Variants in IBTK observed in about 807,000 individuals in gnomAD.
IBTK encodes inhibitor of Bruton tyrosine kinase.
A neutral mutation model predicts 154.9 loss-of-function variants in IBTK; 83 were observed. The ratio of observed to expected loss-of-function variants is 0.54; its 90% CI spans 0.45 to 0.64. IBTK has a LOEUF of 0.64. IBTK is among the 30% of genes least tolerant of loss of function. The probability of loss-of-function intolerance (pLI) is 0.00; values close to 1 mark genes in which losing one functional copy is unlikely to be tolerated. For synonymous variants in IBTK, 515 were observed against 536.1 expected, an observed-to-expected ratio of 0.96 and a Z score of 0.54; for missense variants, 1,332 against 1,584.6, an observed-to-expected ratio of 0.84 and a Z score of 2.71.
intron 16 of IBTK, 138 bp from the exon 17 acceptor site, chr6:82,205,096 A>G (rs1160851083): frequency 4.6e-6 from 2 of 430,264 alleles, no homozygotes; most frequent in African/African-American, 4.1e-5. Context: ...ACTAGAAAAG[A>G]GATTTAAGAT....
At position 82,214,389 on chromosome 6, in the gene IBTK, G is replaced by T; in HGVS notation, c.2042C>A (p.Ser681Tyr). ...ATTACTTTTGTAAACTTCAAATGCA[G>T]ACTTCTGGTTATCATCTTCATGGAA... Reference protein sequence around the residue: ...VNFHEDDNQKSAFEVYKSNQA... With the variant: ...VNFHEDDNQKYAFEVYKSNQA... The change falls in exon 12 of 29, where the codon TCT (serine) becomes TAT (tyrosine). Residue 681 changes from serine (S) to tyrosine (Y), a missense_variant. Ser to Tyr is a moderately radical substitution (Grantham distance 144). Coordinates refer to ENST00000306270, the MANE Select transcript of IBTK (RefSeq NM_015525.4). 6.2e-7 allele frequency: 1 copy of T among 1,613,948 alleles called. No homozygotes were observed. The highest frequency in any genetic ancestry group is 8.5e-7 in the Non-Finnish European group (1 of 1,179,936).
Position 82,210,889 on chromosome 6 carries a change from C to A in IBTK, c.2434G>T (p.Glu812Ter). The A allele has an allele frequency of 6.4e-7, 1 of 1,568,888 alleles. No homozygotes were observed. The highest frequency in any genetic ancestry group is 8.6e-7 in the Non-Finnish European group (1 of 1,157,096). Reference sequence around the variant, plus strand: ...AATATATCAGAATGTATTGGCATTTCCAGAGCTGCACAACTGGAAGCCTAA... The same window carrying A: ...AATATATCAGAATGTATTGGCATTTACAGAGCTGCACAACTGGAAGCCTAA... Reference protein sequence around the residue: ...WIEASSCAALEMPIHSDILKV... With the variant: ...WIEASSCAAL The change falls in exon 16 of 29, where the codon GAA becomes TAA. Residue 812 changes from glutamate (E) to a stop codon, truncating the protein, a stop_gained. Transcript: ENST00000306270. LOFTEE classifies it high-confidence loss of function.
At chr6:82,222,163 A>T (rs1341328681) in intron 8 of IBTK, among the ~76,000 whole-genome samples, 1 of 140,968 alleles carries the variant, frequency 7.1e-6, no homozygotes, top group Non-Finnish European at 1.5e-5. Context: ...GAGCAAGACA[A>T]TGTCTCAAAA....
At chr6:82,225,684 C>A (rs765190865) in intron 5 of IBTK, 37 bp from the exon 6 acceptor site, 2 of 1,454,102 alleles carry the variant, frequency 1.4e-6, no homozygotes, top group Non-Finnish European at 1.9e-6. Context: ...ACTACATTAA[C>A]CATTTATACA....
At position 82,201,440 on chromosome 6, in the gene IBTK, A is replaced by G. The variant is rs1769206734; in HGVS notation, c.2772T>C (p.Ser924=). The G allele has an allele frequency of 1.9e-6, 3 of 1,609,216 alleles. No individual in the cohort carries two copies. Among genetic ancestry groups the G allele is most frequent in the South Asian group, 2.2e-5 (2 of 90,252 alleles). ...VLSDGVLKDL[S]EFYRKMIPAM... The stretch of plus-strand genomic sequence containing the variant: ...ACCTTACCATTTTCCGGTAAAACTC[A>G]GAAAGATCCTTCAAAACACCATCGC... The change falls in exon 19 of 29, where the codon TCT becomes TCC. Residue 924 remains serine, a synonymous_variant. Transcript: ENST00000306270.
At chr6:82,194,944 G>A (rs1488900376) in intron 22 of IBTK, among the ~76,000 whole-genome samples, 1 of 152,022 alleles carries the variant, frequency 6.6e-6, no homozygotes, top group Non-Finnish European at 1.5e-5. Context: ...GTACAAATAA[G>A]ACATGAAGCA....
intron 13 of IBTK, among the ~76,000 whole-genome samples, chr6:82,211,868 TA>T (rs1769662587): frequency 6.6e-6 from 1 of 152,210 alleles, no homozygotes; most frequent in South Asian, 2.1e-4. Context: ...AGTGATATCA[TA>T]TTTAAGTCTC....
rs1255140421 is a variant in IBTK, at chr6:82,171,251, G to T, written c.*174C>A. 2 of 429,232 alleles carry T rather than the reference G, an allele frequency of 4.7e-6. No homozygotes were observed. Among genetic ancestry groups the T allele is most frequent in the South Asian group, 5.7e-5 (1 of 17,564 alleles). 26.6% of individuals were successfully genotyped at this position (429,232 alleles called of 1,614,324 possible). A position where few individuals can be genotyped will look rare whatever the true frequency, so the allele number is the denominator to read the frequency against. Reference sequence around the variant, plus strand: ...AAAGTTACTAAAATCACAATTCTGAGAAATTTATTTTTAATCATACAAACA... The same window carrying T: ...AAAGTTACTAAAATCACAATTCTGATAAATTTATTTTTAATCATACAAACA... On this transcript the variant is annotated 3_prime_UTR_variant, in exon 29 of 29. Coordinates refer to ENST00000306270, the MANE Select transcript of IBTK (RefSeq NM_015525.4).
intron 2 of IBTK, among the ~76,000 whole-genome samples, chr6:82,236,058 G>C (rs180980625): frequency 3.1e-4 from 47 of 152,234 alleles, no homozygotes; most frequent in African/African-American, 1.1e-3. Flanking sequence ...ATTTTTAGTA[G>C]AGATGAGGTT....
chr6:82,197,084 C>A (rs1769016024), intron 21 of IBTK, among the ~76,000 whole-genome samples: 1 of 152,200 alleles, frequency 6.6e-6, no homozygotes, highest in Non-Finnish European at 1.5e-5. Context: ...TGGCCTCATG[C>A]CACACCTGGT....
chr6:82,178,069 A>C (rs1338910021), intron 26 of IBTK, among the ~76,000 whole-genome samples: 1 of 152,204 alleles, frequency 6.6e-6, no homozygotes, highest in East Asian at 1.9e-4. Flanking sequence ...AAGCATACTT[A>C]TTATGTTTTC....
At position 82,225,609 on chromosome 6, in the gene IBTK, A is replaced by G. The variant is rs999180284; in HGVS notation, c.693T>C (p.Cys231=). Residue 231 remains cysteine (C), a synonymous_variant, in exon 6 of 29, where the codon TGT becomes TGC. Coordinates refer to ENST00000306270, the MANE Select transcript of IBTK (RefSeq NM_015525.4). The part of the protein sequence containing the change: ...RLVEGLNGHN[C]SQVAAAKDHT... Reference sequence around the variant, plus strand: ...GATCCTTAGCAGCTGCCACTTGGGAACAATTATGACCATTCAGTCCTTCCA... The same window carrying G: ...GATCCTTAGCAGCTGCCACTTGGGAGCAATTATGACCATTCAGTCCTTCCA... 5 of 1,613,432 alleles carry G rather than the reference A, an allele frequency of 3.1e-6. No individual in the cohort carries two copies. Among genetic ancestry groups the G allele is most frequent in the Non-Finnish European group, 8.5e-7 (1 of 1,179,736 alleles).
chr6:82,214,083 G>A, intron 12 of IBTK, 144 bp downstream of exon 12: 3 of 681,674 alleles, frequency 4.4e-6, no homozygotes, highest in South Asian at 2.1e-5. Context: ...AGCCTCCTGA[G>A]TAGCTGGGAC....
In IBTK at chr6:82,227,209, C is replaced by CT; in HGVS notation, c.636dup (p.Asp213ArgfsTer2). 6.2e-7 allele frequency: 1 copy of CT among 1,609,164 alleles called. No individual in the cohort carries two copies. Among genetic ancestry groups the CT allele is most frequent in the Non-Finnish European group, 8.5e-7 (1 of 1,176,080 alleles). ...TCAATTACCAAGCATGTCTGTTCAT[C>CT]TCCATGTCCTAATCGCCCTCCAGGA... On this transcript the variant is annotated frameshift_variant, in exon 5 of 29. Coordinates refer to ENST00000306270, the MANE Select transcript of IBTK (RefSeq NM_015525.4). LOFTEE classifies it high-confidence loss of function.
intron 18 of IBTK, 59 bp downstream of exon 18, chr6:82,202,469 G>A: frequency 1.1e-6 from 1 of 875,612 alleles, no homozygotes; most frequent in Non-Finnish European, 1.9e-6. Context: ...AATAATATCT[G>A]CTATTATATA....
Position 82,200,609 on chromosome 6 carries a change from T to A in IBTK, c.2890A>T (p.Ile964Leu). The change falls in exon 20 of 29, where the codon ATA (isoleucine) becomes TTA (leucine). Residue 964 changes from isoleucine to leucine, a missense_variant. By Grantham distance (5) the Ile-to-Leu change is conservative (BLOSUM62 2). Transcript: ENST00000306270. ...TACGAATGATTTTGTTCCATATTTA[T>A]TTCTTCTTTCAAGAAGATATCTCCA... is the stretch of plus-strand genomic sequence containing the variant. ...EDGDIFLKEE[I>L]NMEQNHSETM... 6.4e-7 allele frequency: 1 copy of A among 1,574,584 alleles called. No individual in the cohort carries two copies. Among genetic ancestry groups the A allele is most frequent in the Non-Finnish European group, 8.6e-7 (1 of 1,165,976 alleles).
chr6:82,180,173 T>C (rs759394547), intron 26 of IBTK, among the ~76,000 whole-genome samples: 7 of 152,190 alleles, frequency 4.6e-5, no homozygotes, highest in Non-Finnish European at 8.8e-5. Context: ...ATAATTATAA[T>C]TGTAATTTAT....
chr6:82,196,453 C>T lies in IBTK; in HGVS notation c.3026-7G>A. On this transcript the variant is annotated splice_polypyrimidine_tract_variant and splice_region_variant and intron_variant, in intron 21 of 28. Coordinates refer to ENST00000306270, the MANE Select transcript of IBTK (RefSeq NM_015525.4). ...TTACCAGACTTTAATAATCCTAAAA[C>T]ATGAAATTAAAAAAAATTAAACACA... is the stretch of plus-strand genomic sequence containing the variant. 2 of 1,583,124 alleles carry T rather than the reference C, an allele frequency of 1.3e-6. No homozygotes were observed. The highest frequency in any genetic ancestry group is 1.7e-6 in the Non-Finnish European group (2 of 1,165,354).
Position 82,225,567 on chromosome 6 carries a change from A to C in IBTK, c.735T>G (p.Thr245=), listed in dbSNP as rs770389761. 6 of 1,612,882 alleles carry C rather than the reference A, an allele frequency of 3.7e-6. No individual in the cohort carries two copies. The highest frequency in any genetic ancestry group is 5.1e-6 in the Non-Finnish European group (6 of 1,178,942). Residue 245 remains threonine, a synonymous_variant, in exon 6 of 29, where the codon ACT becomes ACG. Coordinates refer to ENST00000306270, the MANE Select transcript of IBTK (RefSeq NM_015525.4). ...AAAKDHTVVL[T]EDGCVYTFGL... ...CAAATGTATAAACACATCCATCTTC[A>C]GTTAATACAACAGTATGATCCTTAG...
Sources: allele counts gnomAD v4.1 joint callset (sites outside exome capture counted in the v4.1 genomes callset), GRCh38; gene constraint gnomAD v4.1.1; transcripts MANE v1.5; gene names NCBI Gene and HGNC (gene_info 2026-07-23, HGNC 2026-07-21).